Variants in VWF observed in about 807,000 individuals in gnomAD.
VWF encodes the protein von Willebrand factor, also known as Factor VIII related antigen.
A neutral mutation model predicts 308.6 loss-of-function variants in VWF; 176 were observed. The ratio of observed to expected loss-of-function variants is 0.57; its 90% CI spans 0.50 to 0.65. The LOEUF (loss-of-function observed/expected upper bound fraction) is 0.65, where lower values mean the gene tolerates loss of function less well. Ranked by LOEUF, VWF falls within the 30% of genes least tolerant of loss-of-function variation. The pLI, the probability that VWF is intolerant of heterozygous loss-of-function variation, is 0.00. For missense variants in VWF, 3,146 were observed against 3,648.2 expected, an observed-to-expected ratio of 0.86 and a Z score of 3.55; for synonymous variants, 1,385 against 1,443.4, an observed-to-expected ratio of 0.96 and a Z score of 0.92.
intron 17 of VWF, among the ~76,000 whole-genome samples, 169 bp from the exon 18 acceptor site, chr12:6,044,620 G>A (rs1399729540): frequency 6.6e-6 from 1 of 152,166 alleles, no homozygotes; most frequent in Non-Finnish European, 1.5e-5. Context: ...GGGACTGGGA[G>A]GGCATCTTCT....
At chr12:5,987,469 A>G (rs1384988288) in intron 38 of VWF, among the ~76,000 whole-genome samples, 1 of 152,214 alleles carries the variant, frequency 6.6e-6, no homozygotes, top group Non-Finnish European at 1.5e-5. Context: ...CCCAGACACC[A>G]CAGGCCTAGC....
rs535428028 is a variant in VWF, at chr12:5,964,782, G to A, written c.7887+2704C>T. Among the ~76,000 whole-genome samples the A allele has an allele frequency of 1.3e-3, 201 of 152,366 alleles. 1 individual carries two copies. The highest frequency in any genetic ancestry group is 4.7e-3 in the African/African-American group (196 of 41,582). ...GGCAAAATCCCCACAGCAGGAGGCA[G>A]AGGGCAAAGTTAGGCCAAGAAAAGG... is the stretch of plus-strand genomic sequence containing the variant. On this transcript the variant is annotated intron_variant, in intron 47 of 51. Transcript: ENST00000261405.
At chr12:5,978,203 C>T (rs1943553012) in intron 42 of VWF, among the ~76,000 whole-genome samples, 1 of 151,022 alleles carries the variant, frequency 6.6e-6, no homozygotes, top group Non-Finnish European at 1.5e-5. Context: ...CTAGTATTTA[C>T]ACAAATATCC....
At chr12:5,961,714 A>G (rs1224241335) in intron 47 of VWF, among the ~76,000 whole-genome samples, 1 of 152,106 alleles carries the variant, frequency 6.6e-6, no homozygotes, top group Non-Finnish European at 1.5e-5. Flanking sequence ...ATTTAAAAAA[A>G]ACTTCCATTT....
rs1181148257 is a variant in VWF, at chr12:5,964,242, A to ACATG, written c.7887+3243_7887+3244insCATG. On this transcript the variant is annotated intron_variant, in intron 47 of 51. Coordinates refer to ENST00000261405, the MANE Select transcript of VWF (RefSeq NM_000552.5). ...AAAATACATACATACATACATACAT[A>ACATG]CATACATGCATACATACATACATAC... is the stretch of plus-strand genomic sequence containing the variant. Among the ~76,000 whole-genome samples, 473 of 136,876 alleles carry ACATG rather than the reference A, an allele frequency of 3.5e-3. 2 individuals carry two copies. Among genetic ancestry groups the ACATG allele is most frequent in the African/African-American group, 0.012 (366 of 30,034 alleles). The allele number at this position is 136,876 out of a possible 152,430, so 89.8% of individuals were successfully genotyped here.
At chr12:6,080,997 G>T (rs1383569301) in intron 6 of VWF, among the ~76,000 whole-genome samples, 6 of 152,292 alleles carry the variant, frequency 3.9e-5, no homozygotes, top group African/African-American at 1.4e-4. Context: ...CCTAGGCCAG[G>T]CATCTCTGGC....
At position 6,029,470 on chromosome 12, in the gene VWF, T is replaced by C. The variant is rs142861582; in HGVS notation, c.2839A>G (p.Met947Val). 45 of 1,614,100 alleles carry C rather than the reference T, an allele frequency of 2.8e-5. 1 individual carries two copies. In the Admixed American group the frequency reaches 4.8e-4, roughly 17 times the overall value. ...ACCTCAAAGTGAGTCTCATCCTTCA[T>C]GGGCCTCTTCACATTCACCTGGAGG... ...FDGEVNVKRP[M>V]KDETHFEVVE... Residue 947 changes from methionine to valine, a missense_variant, in exon 22 of 52, where the codon ATG becomes GTG. By Grantham distance (21) the Met-to-Val change is conservative. This residue lies in a region of VWF where 1,304 missense variants were observed against 1,353.0 expected (regional missense o/e 0.96). Transcript: ENST00000261405.
At chr12:5,965,480 G>A (rs574195824) in intron 47 of VWF, among the ~76,000 whole-genome samples, 100 of 152,182 alleles carry the variant, frequency 6.6e-4, no homozygotes, top group Non-Finnish European at 1.2e-3. Context: ...GCCCTCCTCC[G>A]GGACGCCTTT....
intron 6 of VWF, among the ~76,000 whole-genome samples, chr12:6,090,641 C>CCTT (rs1344776827): frequency 4.9e-5 from 2 of 40,986 alleles, no homozygotes; most frequent in Non-Finnish European, 9.3e-5. Context: ...TCGTCCTCCT[C>CCTT]CTCCTCCTCA....
intron 6 of VWF, among the ~76,000 whole-genome samples, chr12:6,085,086 G>A (rs79862936): frequency 0.015 from 2,309 of 152,260 alleles, 56 homozygotes; most frequent in African/African-American, 0.053. Context: ...ACCTCTCTAA[G>A]GGACCCTCCT....
chr12:6,056,413 G>T (rs1037150779), intron 15 of VWF, among the ~76,000 whole-genome samples: 5 of 151,168 alleles, frequency 3.3e-5, no homozygotes, highest in African/African-American at 1.2e-4. Context: ...TTTGTCCATC[G>T]GTGGTTTGCC....
At chr12:5,981,671 A>T (rs1294460253) in intron 42 of VWF, 115 bp downstream of exon 42, 3 of 1,212,686 alleles carry the variant, frequency 2.5e-6, no homozygotes, top group Non-Finnish European at 3.6e-6. Flanking sequence ...TTGCTTAGCA[A>T]ATATTGGATG....
chr12:6,101,175 T>C (rs955747172), intron 5 of VWF, among the ~76,000 whole-genome samples: 4 of 152,166 alleles, frequency 2.6e-5, no homozygotes, highest in African/African-American at 9.7e-5. Context: ...GAGAGAGAAT[T>C]AGTGGATTAG....
chr12:6,011,520 T>C, intron 34 of VWF, 97 bp downstream of exon 34: 1 of 1,081,738 alleles, frequency 9.2e-7, no homozygotes, highest in Admixed American at 2.0e-5. Context: ...GAAAGGGTAC[T>C]TCTGGGCTGG....
intron 6 of VWF, among the ~76,000 whole-genome samples, chr12:6,089,997 A>T (rs1056703757): frequency 6.6e-6 from 1 of 151,844 alleles, no homozygotes; most frequent in South Asian, 2.1e-4. Context: ...TCGCTGTGTC[A>T]CCCAGGCTGG....
chr12:6,098,547 G>C (rs1281038960), intron 5 of VWF, among the ~76,000 whole-genome samples: 1 of 152,184 alleles, frequency 6.6e-6, no homozygotes, highest in Non-Finnish European at 1.5e-5. Context: ...GGGAGGCCGA[G>C]GCGGGCGGAT....
At chr12:5,967,019 G>C (rs1041021558) in intron 47 of VWF, among the ~76,000 whole-genome samples, 1 of 152,200 alleles carries the variant, frequency 6.6e-6, no homozygotes, top group African/African-American at 2.4e-5. Context: ...GGCAAAAACA[G>C]GGTGAAATAT....
At chr12:5,996,496 A>T (rs1332368908) in intron 34 of VWF, among the ~76,000 whole-genome samples, 2 of 152,176 alleles carry the variant, frequency 1.3e-5, no homozygotes, top group South Asian at 4.1e-4. Context: ...ACTTCTAAAA[A>T]ATTTAAATGT....
intron 34 of VWF, among the ~76,000 whole-genome samples, chr12:6,000,271 T>G (rs1591852051): frequency 6.6e-6 from 1 of 152,256 alleles, no homozygotes; most frequent in East Asian, 1.9e-4. Flanking sequence ...TTTCCAGGCC[T>G]TCAGGCAAAA....
Sources: allele counts gnomAD v4.1 joint callset (sites outside exome capture counted in the v4.1 genomes callset), GRCh38; gene constraint gnomAD v4.1.1; regional missense constraint gnomAD v4.1.1; transcripts MANE v1.5; gene names NCBI Gene and HGNC (gene_info 2026-07-23, HGNC 2026-07-21).